Variants in CDH13 observed in about 807,000 individuals in gnomAD.
The protein encoded by CDH13 is cadherin 13, also known as cadherin-13.
CDH13 carries 24 observed loss-of-function variants against 63.8 expected under a neutral mutation model. The observed-to-expected ratio is 0.38, with a 90% CI of 0.27 to 0.53. CDH13 has a LOEUF of 0.53. CDH13 is among the 20% of genes least tolerant of loss of function. The pLI is 0.85. For synonymous variants in CDH13, 503 were observed against 355.3 expected (o/e 1.42, Z -4.67); for missense variants, 1,049 against 903.1 (o/e 1.16, Z -2.07).
chr16:83,377,650 C>T (rs953741922), intron 6 of CDH13, among the ~76,000 whole-genome samples: 6 of 152,206 alleles, frequency 3.9e-5, no homozygotes, highest in Non-Finnish European at 5.9e-5. Flanking sequence ...GCAGGAGACA[C>T]TTTGCAAGGC....
intron 2 of CDH13, among the ~76,000 whole-genome samples, chr16:82,996,009 A>G (rs1330298661): frequency 1.3e-5 from 2 of 152,154 alleles, no homozygotes; most frequent in African/African-American, 4.8e-5. Context: ...ATGAACTTGG[A>G]GAGTTGCCAT....
intron 4 of CDH13, among the ~76,000 whole-genome samples, chr16:83,191,488 TG>T (rs2038703263): frequency 2.1e-5 from 2 of 95,614 alleles, no homozygotes; most frequent in East Asian, 2.7e-4. Context: ...TATATATATA[TG>T]CACATATATA....
At chr16:83,183,806 A>G (rs1455811586) in intron 4 of CDH13, among the ~76,000 whole-genome samples, 7 of 152,194 alleles carry the variant, frequency 4.6e-5, no homozygotes, top group African/African-American at 1.7e-4. Flanking sequence ...GTGTTTGGCA[A>G]AAGTTTTTTG....
intron 2 of CDH13, among the ~76,000 whole-genome samples, chr16:82,875,998 G>A (rs1012621534): frequency 2.0e-5 from 3 of 152,202 alleles, no homozygotes; most frequent in Non-Finnish European, 1.5e-5. Flanking sequence ...TACATGGATG[G>A]TGGCAAAAAG....
chr16:83,512,821 T>A (rs376462826), intron 7 of CDH13, among the ~76,000 whole-genome samples: 7 of 152,032 alleles, frequency 4.6e-5, no homozygotes, highest in African/African-American at 1.4e-4. Context: ...GTAAAACACA[T>A]TCTCGGGCCT....
chr16:83,344,444 C>T (rs1255474665), intron 5 of CDH13, among the ~76,000 whole-genome samples: 3 of 152,166 alleles, frequency 2.0e-5, no homozygotes, highest in Non-Finnish European at 4.4e-5. Context: ...TTGCCATAAA[C>T]ACTTTTGGTT....
intron 6 of CDH13, among the ~76,000 whole-genome samples, chr16:83,376,053 T>C (rs1000203175): frequency 6.6e-6 from 1 of 152,204 alleles, no homozygotes; most frequent in African/African-American, 2.4e-5. Flanking sequence ...CCAACTGTAT[T>C]GTGAAGAATC....
intron 1 of CDH13, among the ~76,000 whole-genome samples, chr16:82,736,097 A>G (rs192723896): frequency 6.6e-6 from 1 of 152,306 alleles, no homozygotes; most frequent in Admixed American, 6.5e-5. Context: ...TGAGTTTCCA[A>G]ACTAGTCAGT....
intron 7 of CDH13, among the ~76,000 whole-genome samples, chr16:83,598,597 ACTGC>A (rs1424699094): frequency 6.6e-6 from 1 of 152,146 alleles, no homozygotes; most frequent in African/African-American, 2.4e-5. Context: ...ATTAGTCAAA[ACTGC>A]CTTATTCCTA....
intron 1 of CDH13, among the ~76,000 whole-genome samples, chr16:82,695,151 C>T (rs66788093): frequency 0.033 from 4,971 of 152,030 alleles, 125 homozygotes; most frequent in Middle Eastern, 0.088. Flanking sequence ...GCTGGTGGGC[C>T]GAGTCCAGAC....
intron 6 of CDH13, among the ~76,000 whole-genome samples, chr16:83,413,791 C>T (rs2092161319): frequency 6.6e-6 from 1 of 152,030 alleles, no homozygotes; most frequent in Admixed American, 6.5e-5. Flanking sequence ...AGTTCGAGTC[C>T]AGCCTGGCCA....
intron 6 of CDH13, among the ~76,000 whole-genome samples, chr16:83,353,359 C>G (rs1046526917): frequency 6.6e-6 from 1 of 152,206 alleles, no homozygotes; most frequent in Admixed American, 6.5e-5. Flanking sequence ...CCTCCATATC[C>G]CAGGCCCCCA....
At chr16:82,941,711 C>A (rs1327297502) in intron 2 of CDH13, among the ~76,000 whole-genome samples, 2 of 152,154 alleles carry the variant, frequency 1.3e-5, no homozygotes, top group African/African-American at 4.8e-5. Flanking sequence ...CTAACCACCT[C>A]CGAGTTTTCT....
chr16:82,886,315 A>G (rs1184527952), intron 2 of CDH13, among the ~76,000 whole-genome samples: 1 of 152,202 alleles, frequency 6.6e-6, no homozygotes, highest in Non-Finnish European at 1.5e-5. Flanking sequence ...GCAAAGCTGA[A>G]TCATATTGCC....
At chr16:83,012,318 CTTTT>C (rs33972456) in intron 2 of CDH13, among the ~76,000 whole-genome samples, 23 of 121,078 alleles carry the variant, frequency 1.9e-4, no homozygotes, top group Non-Finnish European at 3.4e-4. Flanking sequence ...GGTTTCTTTC[CTTTT>C]TTTTTTTTTT....
intron 10 of CDH13, chr16:83,710,684 C>G (rs578153945): frequency 6.6e-6 from 1 of 152,300 alleles, no homozygotes; most frequent in African/African-American, 2.4e-5. Context: ...CATCTCTAAA[C>G]CAGAGTTTCC....
chr16:83,416,952 C>G (rs2151464739), intron 6 of CDH13, among the ~76,000 whole-genome samples: 1 of 152,260 alleles, frequency 6.6e-6, no homozygotes, highest in South Asian at 2.1e-4. Flanking sequence ...ATGTTAAGTA[C>G]TGTTTAGCTA....
At chr16:83,169,410 C>G (rs1187051941) in intron 4 of CDH13, among the ~76,000 whole-genome samples, 2 of 152,062 alleles carry the variant, frequency 1.3e-5, no homozygotes, top group African/African-American at 4.8e-5. Flanking sequence ...GTCTTGACCT[C>G]ATAATCTGCC....
chr16:83,358,415 C>T (rs2091097925), intron 6 of CDH13, among the ~76,000 whole-genome samples: 1 of 152,164 alleles, frequency 6.6e-6, no homozygotes, highest in African/African-American at 2.4e-5. Context: ...GAAGGCAGGA[C>T]AAAACACAGA....
Sources: gnomAD v4.1 joint callset for allele counts (sites outside exome capture counted in the v4.1 genomes callset) on GRCh38, gnomAD v4.1.1 for gene constraint, MANE v1.5 for transcripts, NCBI Gene and HGNC (gene_info 2026-07-23, HGNC 2026-07-21) for gene names.